Variants in TTC27 observed in about 807,000 individuals in gnomAD.
TTC27 encodes the protein tetratricopeptide repeat domain 27.
In TTC27, 79 loss-of-function variants were observed where a neutral mutation model predicts 115.9. That is an observed-to-expected ratio of 0.68 (90% CI 0.57 to 0.82). TTC27 has a LOEUF of 0.82. Ranked by LOEUF, TTC27 falls within the 40% of genes least tolerant of loss-of-function variation. TTC27 has a pLI of 0.00. For synonymous variants in TTC27, 401 were observed against 356.0 expected (o/e 1.13, Z -1.42); for missense variants, 1,054 against 993.1 (o/e 1.06, Z -0.82).
At chr2:32,756,275 A>G (rs1669229618) in intron 12 of TTC27, among the ~76,000 whole-genome samples, 1 of 152,244 alleles carries the variant, frequency 6.6e-6, no homozygotes, top group Non-Finnish European at 1.5e-5. Context: ...AATGCCTTCA[A>G]TCACGCAGTG....
chr2:32,817,364 C>G (rs781169542), intron 18 of TTC27, 93 bp from the exon 19 acceptor site: 2 of 965,768 alleles, frequency 2.1e-6, no homozygotes, highest in Non-Finnish European at 3.2e-6. Context: ...AAGTATGTTA[C>G]TATAAAAATT....
At chr2:32,703,885 A>G (rs57773693) in intron 10 of TTC27, among the ~76,000 whole-genome samples, 20,213 of 152,224 alleles carry the variant, frequency 0.13, 1,693 homozygotes, top group Middle Eastern at 0.24. Context: ...TCATGTTCTC[A>G]TAGTTGTAAA....
At chr2:32,670,390 G>A (rs1044581122) in intron 7 of TTC27, among the ~76,000 whole-genome samples, 1 of 152,136 alleles carries the variant, frequency 6.6e-6, no homozygotes, top group Non-Finnish European at 1.5e-5. Context: ...TTTGCAGTCA[G>A]TCAGTTGCTG....
chr2:32,805,144 C>T (rs1485344131), intron 16 of TTC27, among the ~76,000 whole-genome samples: 1 of 152,204 alleles, frequency 6.6e-6, no homozygotes. Flanking sequence ...CTGAAGCCTG[C>T]TTTCCCTCGG....
At chr2:32,758,248 A>T in intron 12 of TTC27, 44 bp from the exon 13 acceptor site, 4 of 1,541,164 alleles carry the variant, frequency 2.6e-6, no homozygotes, top group Admixed American at 1.9e-5. Context: ...AAAAAATAGC[A>T]GTTAATCACT....
rs568992088 is a variant in TTC27 at position 32,684,444 on chromosome 2, C to CA, written c.1119+5534dup. On this transcript the variant is annotated intron_variant, in intron 9 of 19. Coordinates refer to ENST00000317907, the MANE Select transcript of TTC27 (RefSeq NM_017735.5). ...ATAATAAATTTAAAAAAACAAGTTT[C>CA]AAAAAAAAAAAAGTTTGTTTAAGTG... is the stretch of plus-strand genomic sequence containing the variant. Among the ~76,000 whole-genome samples the CA allele has an allele frequency of 1.4e-3, 203 of 142,098 alleles. 1 individual carries two copies. The highest frequency in any genetic ancestry group is 0.013 in the South Asian group (60 of 4,460). 93.2% of individuals were successfully genotyped at this position (142,098 alleles called of 152,430 possible). A position where few individuals can be genotyped will look rare whatever the true frequency, so the allele number is the denominator to read the frequency against.
In TTC27 at chr2:32,672,305, G is replaced by A; in HGVS notation, c.973G>A (p.Asp325Asn). The change falls in exon 8 of 20, where the codon GAC becomes AAC. Residue 325 changes from aspartate to asparagine, a missense_variant. By Grantham distance (23) the Asp-to-Asn change is conservative. Transcript: ENST00000317907. ...LELNDDTILN[D>N]IKLADCEQFQ... ...GCTCAATGATGACACCATTCTGAAT[G>A]ACATAAAGTTAGCAGATTGTGAACA... 1 of 1,613,816 alleles carries A rather than the reference G, an allele frequency of 6.2e-7. No homozygotes were observed. The highest frequency in any genetic ancestry group is 8.5e-7 in the Non-Finnish European group (1 of 1,179,822).
rs2063522044 is a variant in TTC27, at chr2:32,628,094, C to T, written c.-199C>T. 1 of 557,532 alleles carries T rather than the reference C, an allele frequency of 1.8e-6. No individual in the cohort carries two copies. Among genetic ancestry groups the T allele is most frequent in the Admixed American group, 3.4e-5 (1 of 29,306 alleles). 34.5% of individuals were successfully genotyped at this position (557,532 alleles called of 1,614,324 possible). A position where few individuals can be genotyped will look rare whatever the true frequency, so the allele number is the denominator to read the frequency against. On this transcript the variant is annotated 5_prime_UTR_variant, in exon 1 of 20. Transcript: ENST00000317907. ...AGACCAGAGAGCGTGCGTGTTTTTC[C>T]CAGGGTGCCCCGCGCTGCTGTTATG...
intron 9 of TTC27, among the ~76,000 whole-genome samples, chr2:32,681,946 C>T (rs1452879605): frequency 1.4e-5 from 2 of 144,658 alleles, no homozygotes; most frequent in African/African-American, 5.1e-5. Context: ...CATATTTTGG[C>T]TTATATTATA....
At chr2:32,684,872 A>G (rs1269279722) in intron 9 of TTC27, among the ~76,000 whole-genome samples, 4 of 151,452 alleles carry the variant, frequency 2.6e-5, no homozygotes, top group African/African-American at 9.7e-5. Context: ...TACACATGTC[A>G]TAGTCAGCCT....
At chr2:32,687,618 T>A (rs1666678082) in intron 9 of TTC27, among the ~76,000 whole-genome samples, 1 of 152,160 alleles carries the variant, frequency 6.6e-6, no homozygotes, top group Admixed American at 6.5e-5. Flanking sequence ...GAAAATATTA[T>A]CCCATGAAAA....
intron 5 of TTC27, among the ~76,000 whole-genome samples, chr2:32,656,404 T>C (rs544880831): frequency 3.3e-5 from 5 of 152,060 alleles, no homozygotes; most frequent in Non-Finnish European, 7.4e-5. Context: ...ATTTTTTAGG[T>C]AGAGAACTTG....
chr2:32,811,191 G>A lies in TTC27; in HGVS notation c.2166G>A (p.Gly722=), dbSNP rs751064894. 2 of 1,614,090 alleles carry A rather than the reference G, an allele frequency of 1.2e-6. No individual in the cohort carries two copies. Among genetic ancestry groups the A allele is most frequent in the South Asian group, 1.1e-5 (1 of 91,054 alleles). ...WRLYAHVYGN[G]QSEKPDENEK... The stretch of plus-strand genomic sequence containing the variant: ...TGTATGCCCACGTATATGGAAATGG[G>A]CAGAGTGAAAAGCCTGATGAAAATG... The change falls in exon 17 of 20, where the codon GGG becomes GGA. Residue 722 remains glycine, a synonymous_variant. Coordinates refer to ENST00000317907, the MANE Select transcript of TTC27 (RefSeq NM_017735.5).
chr2:32,678,700 C>T (rs530294872), intron 8 of TTC27, among the ~76,000 whole-genome samples, 156 bp from the exon 9 acceptor site: 9 of 152,154 alleles, frequency 5.9e-5, no homozygotes, highest in Middle Eastern at 3.4e-3. Flanking sequence ...GTGTTGGGAT[C>T]ACAGGTGTGA....
intron 3 of TTC27, among the ~76,000 whole-genome samples, chr2:32,634,712 A>G (rs1664345859): frequency 6.6e-6 from 1 of 152,066 alleles, no homozygotes; most frequent in East Asian, 1.9e-4. Flanking sequence ...GCTGGAGTAC[A>G]ATGGCGCGAT....
intron 12 of TTC27, among the ~76,000 whole-genome samples, chr2:32,751,258 C>CCACACACACACACACACA (rs56183534): frequency 5.7e-5 from 8 of 140,752 alleles, no homozygotes; most frequent in Admixed American, 3.6e-4. Context: ...GTAGGTTAAA[C>CCACACACACACACACACA]CACACACACA....
intron 14 of TTC27, among the ~76,000 whole-genome samples, chr2:32,781,435 A>T (rs220650): frequency 0.19 from 27,994 of 150,932 alleles, 2,652 homozygotes; most frequent in Admixed American, 0.25. Flanking sequence ...GCCATTTTTT[A>T]AAAAAATTGT....
intron 16 of TTC27, among the ~76,000 whole-genome samples, chr2:32,799,579 G>A (rs1197586477): frequency 1.3e-5 from 2 of 152,138 alleles, no homozygotes; most frequent in African/African-American, 4.8e-5. Flanking sequence ...TGATAAAAGT[G>A]CTTGAACTCT....
chr2:32,630,636 A>C lies in TTC27; in HGVS notation c.202A>C (p.Ser68Arg). 6.2e-7 allele frequency: 1 copy of C among 1,613,914 alleles called. No individual in the cohort carries two copies. The highest frequency in any genetic ancestry group is 8.5e-7 in the Non-Finnish European group (1 of 1,179,916). ...AACAACCGCTGAAGAAAAGATTGAT[A>C]GCTACCTGGAGAAGCAGGTAGTAAC... The part of the protein sequence containing the change: ...STTTAEEKID[S>R]YLEKQVVTFL... The change falls in exon 2 of 20, where the codon AGC becomes CGC. Residue 68 changes from serine to arginine, a missense_variant. By Grantham distance (110) the Ser-to-Arg change is moderately radical (BLOSUM62 -1). Coordinates refer to ENST00000317907, the MANE Select transcript of TTC27 (RefSeq NM_017735.5).
Sources: gnomAD v4.1 joint callset for allele counts (sites outside exome capture counted in the v4.1 genomes callset) on GRCh38, gnomAD v4.1.1 for gene constraint, MANE v1.5 for transcripts, NCBI Gene and HGNC (gene_info 2026-07-23, HGNC 2026-07-21) for gene names.